MCUB: variants seen among roughly 807,000 people sequenced by gnomAD.
MCUB encodes calcium uniporter regulatory subunit MCUb, mitochondrial.
Under a neutral mutation model 41.4 loss-of-function variants are expected in MCUB, and 46 were observed. The observed-to-expected ratio is 1.11, with a 90% CI of 0.88 to 1.42. MCUB has a LOEUF of 1.42. Ranked by LOEUF, MCUB falls within the 40% of genes most tolerant of loss-of-function variation. MCUB has a pLI of 0.00. For synonymous variants in MCUB, 148 were observed against 148.2 expected (o/e 1.00, Z 0.01); for missense variants, 403 against 404.9 (o/e 1.00, Z 0.04).
At chr4:109,573,757 T>C (rs1349842252) in intron 1 of MCUB, among the ~76,000 whole-genome samples, 1 of 152,162 alleles carries the variant, frequency 6.6e-6, no homozygotes, top group African/African-American at 2.4e-5. Flanking sequence ...TTGTGTTTTG[T>C]TACTGGGGCA....
chr4:109,584,531 T>C lies in MCUB; in HGVS notation c.99+24095T>C, dbSNP rs190962858. On this transcript the variant is annotated intron_variant, in intron 1 of 7. Transcript: ENST00000394650. ...GTTTGCTCTTGCATCTCTAGTTATTTTAATTGTGATGTTAGGGTGTCAATT... is the reference window on the plus strand; with the variant it reads ...GTTTGCTCTTGCATCTCTAGTTATTCTAATTGTGATGTTAGGGTGTCAATT... Among the ~76,000 whole-genome samples the C allele has an allele frequency of 5.9e-5, 9 of 152,358 alleles. No individual in the cohort carries two copies. The East Asian group carries it at 1.5e-3, about 26-fold the overall frequency.
rs899875650 is a variant in MCUB at position 109,664,465 on chromosome 4, C to T, written c.451+71C>T. The stretch of plus-strand genomic sequence containing the variant: ...AGATGAATTCTCACTTGCTCTGTTT[C>T]CCAGGCTGGAGTACAGTGACGTCGT... On this transcript the variant is annotated intron_variant, in intron 4 of 7. Coordinates refer to ENST00000394650, the MANE Select transcript of MCUB (RefSeq NM_017918.5). 1.7e-5 allele frequency: 11 copies of T among 647,664 alleles called. No homozygotes were observed. The South Asian group carries it at 2.0e-4, about 12-fold the overall frequency. 40.1% of individuals were successfully genotyped at this position (647,664 alleles called of 1,614,324 possible).
At chr4:109,637,390 T>G (rs533854172) in intron 1 of MCUB, among the ~76,000 whole-genome samples, 2 of 152,330 alleles carry the variant, frequency 1.3e-5, no homozygotes, top group South Asian at 4.1e-4. Flanking sequence ...TAAATGACTT[T>G]ATACAAGTAT....
intron 1 of MCUB, among the ~76,000 whole-genome samples, chr4:109,614,291 T>C (rs1394744707): frequency 6.6e-6 from 1 of 152,108 alleles, no homozygotes. Context: ...AAACCCATGC[T>C]GTAGGATTGA....
intron 1 of MCUB, among the ~76,000 whole-genome samples, chr4:109,645,300 T>G (rs1347882356): frequency 6.6e-6 from 1 of 151,622 alleles, no homozygotes; most frequent in Non-Finnish European, 1.5e-5. Flanking sequence ...TTGTACTTCA[T>G]ACAGACCTCT....
intron 4 of MCUB, among the ~76,000 whole-genome samples, chr4:109,665,492 C>T (rs1226644993): frequency 6.6e-6 from 1 of 151,976 alleles, no homozygotes; most frequent in Non-Finnish European, 1.5e-5. Flanking sequence ...CAAACTCTAC[C>T]AAACTCTACC....
chr4:109,688,699 TAA>T lies in MCUB; in HGVS notation c.*1109_*1110del, dbSNP rs1240177782. 1.3e-5 allele frequency: 2 copies of T among 151,874 alleles called. No homozygotes were observed. The highest frequency in any genetic ancestry group is 4.9e-5 in the African/African-American group (2 of 41,198). 9.4% of individuals were successfully genotyped at this position (151,874 alleles called of 1,614,324 possible). On this transcript the variant is annotated 3_prime_UTR_variant, in exon 8 of 8. Coordinates refer to ENST00000394650, the MANE Select transcript of MCUB (RefSeq NM_017918.5). ...AAAAACCTTTAAAAACATCAAACAA[TAA>T]ACTTTTATAAAAAAGTGACAAAATA... is the stretch of plus-strand genomic sequence containing the variant.
At chr4:109,566,286 G>A (rs1031800617) in intron 1 of MCUB, among the ~76,000 whole-genome samples, 3 of 151,592 alleles carry the variant, frequency 2.0e-5, no homozygotes, top group Non-Finnish European at 4.4e-5. Context: ...TGGCTAACAC[G>A]GTGAAACCCC....
chr4:109,659,494 G>A (rs898293013), intron 2 of MCUB, among the ~76,000 whole-genome samples: 3 of 152,096 alleles, frequency 2.0e-5, no homozygotes, highest in Non-Finnish European at 1.5e-5. Flanking sequence ...AGAGATTGAG[G>A]TGGGAAGATT....
chr4:109,635,217 G>T (rs542642184), intron 1 of MCUB, among the ~76,000 whole-genome samples: 10 of 152,304 alleles, frequency 6.6e-5, no homozygotes, highest in Non-Finnish European at 1.5e-4. Context: ...GGACATGTGG[G>T]TTGGTTCCAA....
chr4:109,676,439 T>C (rs1015537507), intron 4 of MCUB, among the ~76,000 whole-genome samples: 1 of 152,268 alleles, frequency 6.6e-6, no homozygotes, highest in Admixed American at 6.5e-5. Context: ...ATGAGGAATA[T>C]CTTACTGGAA....
chr4:109,625,095 G>A (rs1028475357), intron 1 of MCUB, among the ~76,000 whole-genome samples: 7 of 152,022 alleles, frequency 4.6e-5, no homozygotes, highest in Admixed American at 1.3e-4. Flanking sequence ...AGCTGAGATC[G>A]CACCACTGCA....
At chr4:109,656,978 G>A (rs1051661402) in intron 1 of MCUB, among the ~76,000 whole-genome samples, 3 of 152,084 alleles carry the variant, frequency 2.0e-5, no homozygotes, top group East Asian at 1.9e-4. Context: ...CCAGCGCTTC[G>A]GGAGGCCGAG....
intron 1 of MCUB, among the ~76,000 whole-genome samples, chr4:109,651,465 G>T (rs1686878515): frequency 6.6e-6 from 1 of 152,142 alleles, no homozygotes. Flanking sequence ...GATGCTAGAT[G>T]TTATTAGAAG....
intron 1 of MCUB, among the ~76,000 whole-genome samples, chr4:109,639,851 C>T (rs970178702): frequency 6.6e-6 from 1 of 152,130 alleles, no homozygotes; most frequent in African/African-American, 2.4e-5. Flanking sequence ...ACCTTAAAGT[C>T]ACCAGATGCA....
intron 1 of MCUB, among the ~76,000 whole-genome samples, chr4:109,608,387 T>A (rs910547771): frequency 2.6e-5 from 4 of 152,222 alleles, no homozygotes; most frequent in African/African-American, 9.6e-5. Flanking sequence ...TCAGGATTTG[T>A]CTCTGGTGCC....
intron 5 of MCUB, among the ~76,000 whole-genome samples, chr4:109,684,086 A>G (rs1361161989): frequency 2.8e-5 from 4 of 144,562 alleles, no homozygotes; most frequent in Non-Finnish European, 6.0e-5. Flanking sequence ...TTTTTGACGC[A>G]GAGTCTTGCA....
intron 1 of MCUB, among the ~76,000 whole-genome samples, chr4:109,638,424 A>C (rs1402092631): frequency 6.6e-6 from 1 of 152,062 alleles, no homozygotes; most frequent in Admixed American, 6.6e-5. Flanking sequence ...AAAAAAAAAA[A>C]AAAAACCATA....
At chr4:109,570,738 A>G (rs2126124415) in intron 1 of MCUB, among the ~76,000 whole-genome samples, 1 of 152,368 alleles carries the variant, frequency 6.6e-6, no homozygotes, top group Middle Eastern at 3.4e-3. Context: ...AATACCGTAT[A>G]TGTATAGTGG....
Sources: gnomAD v4.1 joint callset for allele counts (sites outside exome capture counted in the v4.1 genomes callset) on GRCh38, gnomAD v4.1.1 for gene constraint, MANE v1.5 for transcripts, NCBI Gene and HGNC (gene_info 2026-07-23, HGNC 2026-07-21) for gene names.